The following B3GALT1 variants were observed in gnomAD, a reference collection of about 807,000 sequenced individuals.
The protein encoded by B3GALT1 is beta-1,3-galactosyltransferase 1.
A neutral mutation model predicts 23.2 loss-of-function variants in B3GALT1; 10 were observed. The ratio of observed to expected loss-of-function variants is 0.43; its 90% CI spans 0.27 to 0.73. B3GALT1 has a LOEUF of 0.73. B3GALT1 is among the 30% of genes least tolerant of loss of function. The pLI is 0.21. For synonymous variants in B3GALT1, 156 were observed against 141.5 expected (o/e 1.10, Z -0.73); for missense variants, 299 against 405.4 (o/e 0.74, Z 2.25).
At chr2:167,419,303 G>T (rs935896335) in intron 1 of B3GALT1, among the ~76,000 whole-genome samples, 1 of 152,206 alleles carries the variant, frequency 6.6e-6, no homozygotes, top group Non-Finnish European at 1.5e-5. Flanking sequence ...ATCAGTAAAT[G>T]AGGTATTAGA....
chr2:167,335,708 A>C (rs779387496), intron 1 of B3GALT1, among the ~76,000 whole-genome samples: 2 of 152,308 alleles, frequency 1.3e-5, no homozygotes, highest in Admixed American at 1.3e-4. Flanking sequence ...GTGTATAATG[A>C]GCAGTGAGAC....
At chr2:167,713,911 G>T (rs1389291864) in intron 3 of B3GALT1, 1 of 1,579,206 alleles carries the variant, frequency 6.3e-7, no homozygotes, top group Non-Finnish European at 8.7e-7. Flanking sequence ...GAGGTTGGGG[G>T]AAAGGAGGTC....
At chr2:167,430,719 G>T (rs909732519) in intron 1 of B3GALT1, among the ~76,000 whole-genome samples, 3 of 152,112 alleles carry the variant, frequency 2.0e-5, no homozygotes, top group Admixed American at 6.5e-5. Flanking sequence ...GGTAAGAGGG[G>T]CATTATGGGA....
intron 2 of B3GALT1, among the ~76,000 whole-genome samples, chr2:167,575,319 CCT>C (rs1414698058): frequency 2.0e-5 from 3 of 151,780 alleles, no homozygotes; most frequent in Non-Finnish European, 3.0e-5. Flanking sequence ...CAAATACATT[CCT>C]GGTGATATCA....
At chr2:167,378,672 C>CTTTGATTGA (rs1489734790) in intron 1 of B3GALT1, among the ~76,000 whole-genome samples, 71 of 152,022 alleles carry the variant, frequency 4.7e-4, no homozygotes, top group African/African-American at 1.7e-3. Context: ...ATTCCAGGAG[C>CTTTGATTGA]TTTGATTGAT....
intron 2 of B3GALT1, among the ~76,000 whole-genome samples, chr2:167,509,246 T>C (rs1055738794): frequency 5.9e-5 from 9 of 152,184 alleles, no homozygotes; most frequent in African/African-American, 2.2e-4. Context: ...AAATGGCTAA[T>C]AGACATATAA....
intron 2 of B3GALT1, among the ~76,000 whole-genome samples, chr2:167,621,569 C>T (rs1290840840): frequency 1.3e-5 from 2 of 152,014 alleles, no homozygotes; most frequent in African/African-American, 2.4e-5. Flanking sequence ...ATTACTTTAG[C>T]AAAGAAATTT....
At chr2:167,670,494 A>C (rs1686304662) in intron 3 of B3GALT1, among the ~76,000 whole-genome samples, 1 of 152,220 alleles carries the variant, frequency 6.6e-6, no homozygotes, top group Non-Finnish European at 1.5e-5. Context: ...AGGAACATAC[A>C]CACAAGAAAA....
intron 3 of B3GALT1, among the ~76,000 whole-genome samples, chr2:167,801,069 A>C (rs757250259): frequency 2.6e-5 from 4 of 152,220 alleles, no homozygotes; most frequent in Non-Finnish European, 5.9e-5. Context: ...GTAAATAATG[A>C]GTAAATGCAT....
intron 1 of B3GALT1, among the ~76,000 whole-genome samples, chr2:167,456,868 T>G: frequency 6.6e-6 from 1 of 152,116 alleles, no homozygotes; most frequent in East Asian, 1.9e-4. Context: ...TAGGTTAGGA[T>G]TTTTTATGGA....
At chr2:167,461,611 A>C (rs980543185) in intron 1 of B3GALT1, among the ~76,000 whole-genome samples, 1 of 152,164 alleles carries the variant, frequency 6.6e-6, no homozygotes, top group Non-Finnish European at 1.5e-5. Flanking sequence ...AAAATTTATA[A>C]ATTATATTTA....
intron 2 of B3GALT1, among the ~76,000 whole-genome samples, chr2:167,564,148 G>A (rs1237986640): frequency 2.0e-5 from 3 of 150,886 alleles, no homozygotes; most frequent in Non-Finnish European, 4.4e-5. Context: ...TTCTCAGACG[G>A]GGCGGTTGCC....
At chr2:167,319,131 G>A (rs1696763832) in intron 1 of B3GALT1, among the ~76,000 whole-genome samples, 1 of 152,076 alleles carries the variant, frequency 6.6e-6, no homozygotes, top group Non-Finnish European at 1.5e-5. Flanking sequence ...AATGGTAATG[G>A]CCAGGGCACA....
intron 1 of B3GALT1, among the ~76,000 whole-genome samples, chr2:167,466,879 ATTTTTTT>A (rs567975404): frequency 3.0e-3 from 258 of 85,050 alleles, no homozygotes; most frequent in Non-Finnish European, 4.2e-3. Context: ...CGCCTGGCTA[ATTTTTTT>A]TTTTTTTTTT....
chr2:167,749,152 G>A (rs1166277302), intron 3 of B3GALT1, among the ~76,000 whole-genome samples: 2 of 152,218 alleles, frequency 1.3e-5, no homozygotes, highest in East Asian at 3.8e-4. Context: ...GATTAATCAT[G>A]AAAGTCCTTT....
chr2:167,393,349 G>C (rs924253702), intron 1 of B3GALT1, among the ~76,000 whole-genome samples: 1 of 150,584 alleles, frequency 6.6e-6, no homozygotes, highest in Non-Finnish European at 1.5e-5. Context: ...GTTCATTAAA[G>C]TAGATTTGGG....
In B3GALT1 at chr2:167,774,472, G is replaced by GTTTTTTTTGTTTGTTTTTTTTTTTTTTTT. The variant is rs1558974686; in HGVS notation, c.-351-44192_-351-44191insGTTTGTTTTTTTTTTTTTTTTTTTTTTTT. On this transcript the variant is annotated intron_variant, in intron 3 of 4. Transcript: ENST00000392690. Reference sequence around the variant, plus strand: ...TTCTGTAGTTTTTCTGTGTTTATTGGTTTTTTTTTTTTGTTTTTTTTTTTG... The same window carrying GTTTTTTTTGTTTGTTTTTTTTTTTTTTTT: ...TTCTGTAGTTTTTCTGTGTTTATTGGTTTTTTTTGTTTGTTTTTTTTTTTTTTTTTTTTTTTTTTTTGTTTTTTTTTTTG... Among the ~76,000 whole-genome samples the GTTTTTTTTGTTTGTTTTTTTTTTTTTTTT allele has an allele frequency of 1.8e-5, 2 of 111,932 alleles. 1 individual carries two copies. 73.4% of individuals were successfully genotyped at this position (111,932 alleles called of 152,430 possible).
At chr2:167,733,125 C>T (rs986936084) in intron 3 of B3GALT1, among the ~76,000 whole-genome samples, 5 of 148,678 alleles carry the variant, frequency 3.4e-5, no homozygotes, top group Non-Finnish European at 6.0e-5. Context: ...TTGTTGGGAG[C>T]GGGAGGAGAA....
chr2:167,410,772 C>T (rs1217562043), intron 1 of B3GALT1, among the ~76,000 whole-genome samples: 1 of 151,960 alleles, frequency 6.6e-6, no homozygotes, highest in Non-Finnish European at 1.5e-5. Flanking sequence ...TAAATAGCTC[C>T]AAAAGCACAG....
Sources: allele counts gnomAD v4.1 joint callset (sites outside exome capture counted in the v4.1 genomes callset), GRCh38; gene constraint gnomAD v4.1.1; transcripts MANE v1.5; gene names NCBI Gene and HGNC (gene_info 2026-07-23, HGNC 2026-07-21).